ITGBL1: variants seen among roughly 807,000 people sequenced by gnomAD.
ITGBL1 encodes integrin subunit beta like 1, also known as integrin beta-like protein 1.
A neutral mutation model predicts 68.5 loss-of-function variants in ITGBL1; 51 were observed. That is an observed-to-expected ratio of 0.74 (90% CI 0.59 to 0.94). The LOEUF is 0.94. Among genes scored for constraint, ITGBL1 ranks in the 40% least tolerant of loss-of-function variants. The probability of loss-of-function intolerance (pLI) is 0.00; values close to 1 mark genes in which losing one functional copy is unlikely to be tolerated. For synonymous variants in ITGBL1, 209 were observed against 227.3 expected (o/e 0.92, Z 0.72); for missense variants, 649 against 647.4 (o/e 1.00, Z -0.03).
intron 8 of ITGBL1, among the ~76,000 whole-genome samples, chr13:101,699,085 A>G (rs1017766654): frequency 2.6e-5 from 4 of 152,194 alleles, no homozygotes; most frequent in Non-Finnish European, 5.9e-5. Flanking sequence ...TTCTTGTATG[A>G]GGAAGAGATC....
chr13:101,481,830 G>T (rs2048629260), intron 2 of ITGBL1, among the ~76,000 whole-genome samples: 1 of 151,776 alleles, frequency 6.6e-6, no homozygotes, highest in African/African-American at 2.4e-5. Flanking sequence ...ACATATTCAC[G>T]GTAGGCAAAG....
chr13:101,487,020 A>G (rs998996248), intron 2 of ITGBL1, among the ~76,000 whole-genome samples: 17 of 152,354 alleles, frequency 1.1e-4, no homozygotes, highest in African/African-American at 3.6e-4. Context: ...ACAAAATTTT[A>G]TAATACTTCT....
chr13:101,498,051 A>G (rs909524022), intron 2 of ITGBL1, among the ~76,000 whole-genome samples: 1 of 152,054 alleles, frequency 6.6e-6, no homozygotes, highest in African/African-American at 2.4e-5. Context: ...AAGGTTTTCC[A>G]TTCAGTTTTA....
intron 5 of ITGBL1, among the ~76,000 whole-genome samples, chr13:101,579,894 G>A (rs1382322375): frequency 6.6e-6 from 1 of 152,048 alleles, no homozygotes; most frequent in Non-Finnish European, 1.5e-5. Context: ...ACTTCCGTGT[G>A]CAATAATAAA....
chr13:101,471,538 G>GTATGTA (rs2048459650), intron 2 of ITGBL1, among the ~76,000 whole-genome samples: 1 of 81,666 alleles, frequency 1.2e-5, no homozygotes, highest in African/African-American at 4.3e-5. Context: ...ATGTATGTGT[G>GTATGTA]TGTGTGTGTG....
At chr13:101,559,337 G>A (rs1003444578) in intron 2 of ITGBL1, among the ~76,000 whole-genome samples, 3 of 152,008 alleles carry the variant, frequency 2.0e-5, no homozygotes, top group Non-Finnish European at 4.4e-5. Flanking sequence ...GGAATCTTGG[G>A]GCTATTCAAT....
At chr13:101,528,687 A>T (rs1218427108) in intron 2 of ITGBL1, among the ~76,000 whole-genome samples, 1 of 152,014 alleles carries the variant, frequency 6.6e-6, no homozygotes, top group Non-Finnish European at 1.5e-5. Flanking sequence ...GTATATAATG[A>T]ATGTTCTGTC....
At chr13:101,464,529 C>G (rs1057054395) in intron 2 of ITGBL1, among the ~76,000 whole-genome samples, 2 of 151,328 alleles carry the variant, frequency 1.3e-5, no homozygotes, top group Admixed American at 1.3e-4. Context: ...CTCTCTCTCT[C>G]TCTATATATA....
rs1320465811 is a variant in ITGBL1 at position 101,706,797 on chromosome 13, G to T, written c.1174G>T (p.Gly392Ter). The T allele has an allele frequency of 6.2e-7, 1 of 1,614,190 alleles. No individual in the cohort carries two copies. Among genetic ancestry groups the T allele is most frequent in the Non-Finnish European group, 8.5e-7 (1 of 1,180,026 alleles). Residue 392 changes from glycine (G) to a stop codon, truncating the protein, a stop_gained, in exon 9 of 11, where the codon GGA (glycine) becomes TGA (stop). Transcript: ENST00000376180. LOFTEE classifies it high-confidence loss of function. The stretch of plus-strand genomic sequence containing the variant: ...CTGTGGTCGCTGTGTTTGTGAGAGA[G>T]GATGGTTTGGAAAGCTCTGCCAACA... ...CSCGRCVCER[G>*]WFGKLCQHPR... is the part of the protein sequence containing the mutation.
intron 2 of ITGBL1, among the ~76,000 whole-genome samples, chr13:101,480,379 A>G (rs1023434155): frequency 1.3e-5 from 2 of 152,022 alleles, no homozygotes; most frequent in Non-Finnish European, 2.9e-5. Flanking sequence ...ACAAAAATAT[A>G]GTTAGATACA....
At chr13:101,569,975 C>T (rs1286278103) in intron 3 of ITGBL1, among the ~76,000 whole-genome samples, 1 of 152,096 alleles carries the variant, frequency 6.6e-6, no homozygotes, top group African/African-American at 2.4e-5. Context: ...AAAATTACCC[C>T]AGATTTAACA....
At chr13:101,538,600 G>GA (rs1444877629) in intron 2 of ITGBL1, among the ~76,000 whole-genome samples, 2 of 151,418 alleles carry the variant, frequency 1.3e-5, no homozygotes, top group Non-Finnish European at 2.9e-5. Flanking sequence ...CAAAACTCCA[G>GA]AAAAAAAATC....
Position 101,715,905 on chromosome 13 carries a change from C to T in ITGBL1, c.*251C>T, listed in dbSNP as rs2034700734. On this transcript the variant is annotated 3_prime_UTR_variant, in exon 11 of 11. Transcript: ENST00000376180. ...TGGTTCCTAACGAGAGCAATTTTTC[C>T]ACCCAAAAGTCATTTGGCAACATCT... 2 of 393,866 alleles carry T rather than the reference C, an allele frequency of 5.1e-6. No individual in the cohort carries two copies. Among genetic ancestry groups the T allele is most frequent in the South Asian group, 2.9e-5 (1 of 34,872 alleles). The allele number at this position is 393,866 out of a possible 1,614,324, so 24.4% of individuals were successfully genotyped here.
intron 8 of ITGBL1, 131 bp downstream of exon 8, chr13:101,692,832 C>T (rs2033912547): frequency 1.4e-6 from 1 of 692,794 alleles, no homozygotes; most frequent in Middle Eastern, 3.7e-4. Flanking sequence ...TACCATTGAA[C>T]CTAAAAGCAA....
intron 7 of ITGBL1, among the ~76,000 whole-genome samples, chr13:101,691,739 G>T (rs2033886015): frequency 6.6e-6 from 1 of 152,222 alleles, no homozygotes. Context: ...AGGTTAATGA[G>T]AATGGATGTA....
chr13:101,520,798 AT>A (rs1216380837), intron 2 of ITGBL1, among the ~76,000 whole-genome samples: 12 of 152,216 alleles, frequency 7.9e-5, no homozygotes, highest in African/African-American at 2.9e-4. Context: ...ATTGCTGGCC[AT>A]CACAAAGCCA....
intron 2 of ITGBL1, among the ~76,000 whole-genome samples, chr13:101,464,288 T>C (rs1363295787): frequency 2.0e-5 from 3 of 152,194 alleles, no homozygotes; most frequent in Admixed American, 1.3e-4. Flanking sequence ...ATTTCTGTTT[T>C]TTTATTTCAC....
chr13:101,454,458 G>T (rs1287409008), intron 2 of ITGBL1, among the ~76,000 whole-genome samples: 2 of 146,430 alleles, frequency 1.4e-5, no homozygotes, highest in East Asian at 4.2e-4. Flanking sequence ...GCTTCCCAAA[G>T]TGTTGGGATT....
downstream of ITGBL1, chr13:101,718,354 CCTT>C (rs1467006235): frequency 6.6e-6 from 1 of 152,082 alleles, no homozygotes; most frequent in East Asian, 1.9e-4. Flanking sequence ...TAAACTCTTT[CCTT>C]CTTAAATGTG....
Sources: gnomAD v4.1 joint callset for allele counts (sites outside exome capture counted in the v4.1 genomes callset) on GRCh38, gnomAD v4.1.1 for gene constraint, MANE v1.5 for transcripts, NCBI Gene and HGNC (gene_info 2026-07-23, HGNC 2026-07-21) for gene names.